The following TIGAR variants were observed in gnomAD, a reference collection of about 807,000 sequenced individuals.
The protein encoded by TIGAR is fructose-2,6-bisphosphatase TIGAR.
In TIGAR, 7 loss-of-function variants were observed where a neutral mutation model predicts 17.9. That is an observed-to-expected ratio of 0.39 (90% CI 0.22 to 0.73). The LOEUF (loss-of-function observed/expected upper bound fraction) is 0.73, where lower values mean the gene tolerates loss of function less well. Among genes scored for constraint, TIGAR ranks in the 30% least tolerant of loss-of-function variants. The pLI is 0.42. For missense variants in TIGAR, 258 were observed against 327.4 expected (o/e 0.79, Z 1.64); for synonymous variants, 94 against 108.6 (o/e 0.87, Z 0.84).
At chr12:4,346,790 AT>A (rs1396154094) in intron 3 of TIGAR, among the ~76,000 whole-genome samples, 1 of 152,146 alleles carries the variant, frequency 6.6e-6, no homozygotes, top group East Asian at 1.9e-4. Flanking sequence ...ACAAAGAGAC[AT>A]ATGAAAAAGT....
chr12:4,344,211 G>A (rs1046745148), intron 3 of TIGAR, among the ~76,000 whole-genome samples: 13 of 152,156 alleles, frequency 8.5e-5, no homozygotes, highest in African/African-American at 3.1e-4. Flanking sequence ...CCAGTAACAG[G>A]CTCTGAAATT....
rs541708220 is a variant in TIGAR, at chr12:4,328,732, A to G, written c.33-2548A>G. ...GCTGGGACTACAGGCACTCACCACC[A>G]TGCCTGGCTGATTTTTGTATTTTTA... On this transcript the variant is annotated intron_variant, in intron 1 of 5. Transcript: ENST00000179259. Among the ~76,000 whole-genome samples, 563 of 151,664 alleles carry G rather than the reference A, an allele frequency of 3.7e-3. 4 individuals are homozygous for G. The highest frequency in any genetic ancestry group is 0.013 in the African/African-American group (545 of 41,296).
chr12:4,330,997 A>G (rs553829754), intron 1 of TIGAR, among the ~76,000 whole-genome samples: 3 of 152,310 alleles, frequency 2.0e-5, no homozygotes, highest in Non-Finnish European at 2.9e-5. Flanking sequence ...TGTTATTTGC[A>G]TTATATTTTT....
chr12:4,337,294 T>G, intron 3 of TIGAR, 134 bp downstream of exon 3: 1 of 431,900 alleles, frequency 2.3e-6, no homozygotes, highest in Non-Finnish European at 4.0e-6. Context: ...AGCCTCCCAA[T>G]AGCTGGGATT....
Position 4,343,770 on chromosome 12 carries a change from G to C in TIGAR, c.193-6049G>C, listed in dbSNP as rs1258744304. On this transcript the variant is annotated intron_variant, in intron 3 of 5. Transcript: ENST00000179259. ...TTTATAGCACTAAATGCTCACAGGA[G>C]AAAGCAGGAAAGATCTAAAGTTGGC... Among the ~76,000 whole-genome samples, 3 of 152,016 alleles carry C rather than the reference G, an allele frequency of 2.0e-5. No individual in the cohort carries two copies. The East Asian group carries it at 5.8e-4, about 29-fold the overall frequency.
chr12:4,341,463 G>A (rs534776431), intron 3 of TIGAR, among the ~76,000 whole-genome samples: 9 of 152,152 alleles, frequency 5.9e-5, no homozygotes, highest in Admixed American at 1.3e-4. Flanking sequence ...CCTGACCCCC[G>A]AGTAGCTTAA....
At position 4,354,809 on chromosome 12, in the gene TIGAR, G is replaced by A. The variant is rs1359150003; in HGVS notation, c.*2118G>A. Among the ~76,000 whole-genome samples the A allele has an allele frequency of 3.4e-5, 5 of 145,840 alleles. No homozygotes were observed. The highest frequency in any genetic ancestry group is 7.7e-5 in the African/African-American group (3 of 39,074). ...TGCAATGGCGTGATCTTGGCTCACT[G>A]CAACCTCCACCTCTCGGGTTCAAGC... On this transcript the variant is annotated 3_prime_UTR_variant, in exon 6 of 6. Coordinates refer to ENST00000179259, the MANE Select transcript of TIGAR (RefSeq NM_020375.3).
intron 3 of TIGAR, among the ~76,000 whole-genome samples, chr12:4,345,262 A>G (rs1385751839): frequency 6.6e-6 from 1 of 152,226 alleles, no homozygotes; most frequent in Non-Finnish European, 1.5e-5. Flanking sequence ...AAACTACTTT[A>G]AAGTTCATAT....
chr12:4,355,898 G>A lies in TIGAR; in HGVS notation c.*3207G>A, dbSNP rs1448878676. Among the ~76,000 whole-genome samples, 1 of 152,174 alleles carries A rather than the reference G, an allele frequency of 6.6e-6. No individual in the cohort carries two copies. The highest frequency in any genetic ancestry group is 2.4e-5 in the African/African-American group (1 of 41,428). On this transcript the variant is annotated 3_prime_UTR_variant, in exon 6 of 6. Transcript: ENST00000179259. ...TCTGGGGAGAGGAGCAGCATGGAAGGAGTAGAGTGCAGAGGCCATGAGGAA... is the reference window on the plus strand; with the variant it reads ...TCTGGGGAGAGGAGCAGCATGGAAGAAGTAGAGTGCAGAGGCCATGAGGAA...
chr12:4,323,030 C>T (rs961119620), intron 1 of TIGAR, among the ~76,000 whole-genome samples: 3 of 148,800 alleles, frequency 2.0e-5, no homozygotes, highest in Non-Finnish European at 3.0e-5. Context: ...CGTTGGGGGG[C>T]GGAAGTGGGT....
In TIGAR at chr12:4,353,262, T is replaced by C. The variant is rs904076154; in HGVS notation, c.*571T>C. ...AAATGTGGATGAATACAGATTATGA[T>C]TGCAGAATGGTCTGGGGGAAGAAGT... On this transcript the variant is annotated 3_prime_UTR_variant, in exon 6 of 6. Transcript: ENST00000179259. 6.6e-6 allele frequency: 1 copy of C among 152,322 alleles called. No individual in the cohort carries two copies. Among genetic ancestry groups the C allele is most frequent in the Non-Finnish European group, 1.5e-5 (1 of 68,124 alleles). 9.4% of individuals were successfully genotyped at this position (152,322 alleles called of 1,614,324 possible).
Position 4,358,972 on chromosome 12 carries a change from A to G in TIGAR, c.*6281A>G, listed in dbSNP as rs1254119630. On this transcript the variant is annotated 3_prime_UTR_variant, in exon 6 of 6. Transcript: ENST00000179259. Reference sequence around the variant, plus strand: ...CCTCATTATTAGATTTGGATTGTATACTTTTGTCAGAAGCAGCCCAGAAAG... The same window carrying G: ...CCTCATTATTAGATTTGGATTGTATGCTTTTGTCAGAAGCAGCCCAGAAAG... 1.3e-5 allele frequency among the ~76,000 whole-genome samples: 2 copies of G among 151,978 alleles called. No individual in the cohort carries two copies. The highest frequency in any genetic ancestry group is 6.6e-5 in the Admixed American group (1 of 15,258).
chr12:4,351,837 T>G (rs1246750539), intron 5 of TIGAR, among the ~76,000 whole-genome samples: 1 of 152,220 alleles, frequency 6.6e-6, no homozygotes, highest in East Asian at 1.9e-4. Flanking sequence ...TCCTTAATCT[T>G]TATCTTAATT....
chr12:4,325,226 G>A (rs1382481963), intron 1 of TIGAR, among the ~76,000 whole-genome samples: 1 of 151,870 alleles, frequency 6.6e-6, no homozygotes, highest in Non-Finnish European at 1.5e-5. Context: ...ACAGGCGTGA[G>A]CCACCCCACC....
At chr12:4,348,542 G>A (rs897207049) in intron 3 of TIGAR, among the ~76,000 whole-genome samples, 1 of 152,144 alleles carries the variant, frequency 6.6e-6, no homozygotes, top group Non-Finnish European at 1.5e-5. Context: ...TTTCTGCTGT[G>A]TAGGTGAAAT....
In TIGAR at chr12:4,356,663, A is replaced by G. The variant is rs1864905917; in HGVS notation, c.*3972A>G. 6.6e-6 allele frequency among the ~76,000 whole-genome samples: 1 copy of G among 152,178 alleles called. No individual in the cohort carries two copies. The highest frequency in any genetic ancestry group is 1.5e-5 in the Non-Finnish European group (1 of 68,044). On this transcript the variant is annotated 3_prime_UTR_variant, in exon 6 of 6. Transcript: ENST00000179259. ...ATCTGTGGGTTTGGACAAACGTATGAAGACATGTATTCCACCATTATAGTA... is the reference window on the plus strand; with the variant it reads ...ATCTGTGGGTTTGGACAAACGTATGGAGACATGTATTCCACCATTATAGTA...
chr12:4,327,683 C>T (rs1183079232), intron 1 of TIGAR, among the ~76,000 whole-genome samples: 1 of 152,136 alleles, frequency 6.6e-6, no homozygotes, highest in Non-Finnish European at 1.5e-5. Flanking sequence ...GGCTACAAGC[C>T]ACTGTCTAGC....
chr12:4,344,575 G>A (rs1864759884), intron 3 of TIGAR, among the ~76,000 whole-genome samples: 1 of 152,170 alleles, frequency 6.6e-6, no homozygotes. Flanking sequence ...TTCAACATAT[G>A]CAGATCAATA....
intron 1 of TIGAR, chr12:4,324,422 G>T: frequency 6.8e-7 from 1 of 1,460,044 alleles, no homozygotes; most frequent in Non-Finnish European, 9.6e-7. Context: ...ATGCCGGGCC[G>T]GCAGTGCTTC....
Sources: allele counts gnomAD v4.1 joint callset (sites outside exome capture counted in the v4.1 genomes callset), GRCh38; gene constraint gnomAD v4.1.1; transcripts MANE v1.5; gene names NCBI Gene and HGNC (gene_info 2026-07-23, HGNC 2026-07-21).